The following CFAP74 variants were observed in gnomAD, a reference collection of about 807,000 sequenced individuals.
CFAP74 encodes the protein cilia and flagella associated protein 74, also known as cilia- and flagella-associated protein 74.
Under a neutral mutation model 188.9 loss-of-function variants are expected in CFAP74, and 124 were observed. The ratio of observed to expected loss-of-function variants is 0.66; its 90% CI spans 0.57 to 0.76. The LOEUF (loss-of-function observed/expected upper bound fraction) is 0.76. Among genes scored for constraint, CFAP74 ranks in the 30% least tolerant of loss-of-function variants. The probability of loss-of-function intolerance (pLI) is 0.00; values close to 1 mark genes in which losing one functional copy is unlikely to be tolerated. For synonymous variants in CFAP74, 956 were observed against 916.7 expected, an observed-to-expected ratio of 1.04 and a Z score of -0.77; for missense variants, 2,198 against 2,165.2, an observed-to-expected ratio of 1.02 and a Z score of -0.30.
In CFAP74 at chr1:1,959,225, A is replaced by G; in HGVS notation, c.1762-16T>C. 6.6e-7 allele frequency: 1 copy of G among 1,518,832 alleles called. No homozygotes were observed. 94.1% of individuals were successfully genotyped at this position (1,518,832 alleles called of 1,614,324 possible). The stretch of plus-strand genomic sequence containing the variant: ...CCTTGTTTATCTAAAACATAAAACA[A>G]CCCCCACCACAATACACTTCTGCAA... On this transcript the variant is annotated splice_polypyrimidine_tract_variant and intron_variant, in intron 15 of 38. Coordinates refer to ENST00000682832, the MANE Select transcript of CFAP74 (RefSeq NM_001304360.2).
chr1:1,937,072 A>G (rs1266646789), intron 25 of CFAP74, among the ~76,000 whole-genome samples: 1 of 152,236 alleles, frequency 6.6e-6, no homozygotes, highest in African/African-American at 2.4e-5. Flanking sequence ...CGTGTTAGGA[A>G]GGAATCAAAG....
chr1:1,954,983 T>C, intron 18 of CFAP74: 1 of 1,163,472 alleles, frequency 8.6e-7, no homozygotes, highest in Non-Finnish European at 1.1e-6. Context: ...CCCGAGGCTC[T>C]CTCAGGAAAG....
At chr1:2,000,504 A>G (rs1203894688) in intron 1 of CFAP74, among the ~76,000 whole-genome samples, 1 of 152,114 alleles carries the variant, frequency 6.6e-6, no homozygotes, top group Non-Finnish European at 1.5e-5. Context: ...ATAACAAAGT[A>G]CCACAACCTA....
intron 6 of CFAP74, among the ~76,000 whole-genome samples, chr1:1,982,496 G>A (rs901208113): frequency 3.5e-4 from 53 of 152,382 alleles, no homozygotes; most frequent in African/African-American, 1.3e-3. Context: ...GGAGCACCCT[G>A]CAAACATCTG....
intron 8 of CFAP74, 80 bp from the exon 9 acceptor site, chr1:1,972,162 C>G: frequency 9.6e-7 from 1 of 1,045,612 alleles, no homozygotes; most frequent in Non-Finnish European, 1.5e-6. Context: ...CTCTCTGCAG[C>G]CTCGACCTCC....
intron 11 of CFAP74, among the ~76,000 whole-genome samples, chr1:1,966,836 C>CTT (rs1655507519): frequency 6.8e-6 from 1 of 147,996 alleles, no homozygotes; most frequent in African/African-American, 2.6e-5. Context: ...CATCTGTTCT[C>CTT]ATTTTTTTTT....
At chr1:1,991,793 A>G (rs1337444400) in intron 1 of CFAP74, among the ~76,000 whole-genome samples, 1 of 152,068 alleles carries the variant, frequency 6.6e-6, no homozygotes, top group Non-Finnish European at 1.5e-5. Context: ...TAATCCCAGC[A>G]CTTTGGGAGG....
intron 25 of CFAP74, among the ~76,000 whole-genome samples, chr1:1,938,289 ACT>A (rs1653076387): frequency 2.6e-5 from 4 of 151,830 alleles, no homozygotes; most frequent in East Asian, 3.9e-4. Flanking sequence ...ATGCACTCAC[ACT>A]CAACCTTACA....
chr1:1,994,174 TAAA>T (rs5772056), intron 1 of CFAP74, among the ~76,000 whole-genome samples: 6,498 of 114,718 alleles, frequency 0.057, 506 homozygotes, highest in African/African-American at 0.18. Flanking sequence ...CTAAAAGGGT[TAAA>T]AAAAAAAAAA....
intron 16 of CFAP74, among the ~76,000 whole-genome samples, chr1:1,958,724 T>C (rs893102758): frequency 1.3e-5 from 2 of 149,964 alleles, no homozygotes; most frequent in Admixed American, 6.6e-5. Flanking sequence ...GGGGTCCGGG[T>C]TGCAGCGCGT....
intron 25 of CFAP74, among the ~76,000 whole-genome samples, chr1:1,938,243 AC>A (rs575375061): frequency 1.3e-3 from 197 of 151,676 alleles, no homozygotes; most frequent in African/African-American, 4.5e-3. Context: ...GCTCACACAT[AC>A]AAGCACTCAC....
rs1319297973 is a variant in CFAP74, at chr1:1,968,825, T to C, written c.1055A>G (p.Glu352Gly). ...CTGCTTTCTGAGCTTCTGCTCCTCC[T>C]CAAAGGCCCTGCGTGGAGTCGCTTC... ...QELEAQKRAF[E>G]EEQKLRKQEI... Residue 352 changes from glutamate (E) to glycine (G), a missense_variant, in exon 11 of 39, where the codon GAG becomes GGG. Glu to Gly is a moderately conservative substitution (Grantham distance 98). Transcript: ENST00000682832. The surrounding 1 kb of genome is among the most constrained non-coding windows in gnomAD (Gnocchi z 4.3). 6 of 1,613,956 alleles carry C rather than the reference T, an allele frequency of 3.7e-6. 1 individual carries two copies. The South Asian group carries it at 5.5e-5, about 15-fold the overall frequency.
Position 1,968,872 on chromosome 1 carries a change from C to T in CFAP74, c.1047-39G>A. On this transcript the variant is annotated intron_variant, in intron 10 of 38. Transcript: ENST00000682832. The surrounding 1 kb of genome is among the most constrained non-coding windows in gnomAD (Gnocchi z 4.3). The stretch of plus-strand genomic sequence containing the variant: ...CTTCTCAGATGAGTGCAAGAGGTCC[C>T]CTGCCTCCACCTTGCCCCAGATGAG... 6 of 1,594,848 alleles carry T rather than the reference C, an allele frequency of 3.8e-6. No individual in the cohort carries two copies. Among genetic ancestry groups the T allele is most frequent in the Non-Finnish European group, 5.1e-6 (6 of 1,166,374 alleles).
Position 1,947,028 on chromosome 1 carries a change from G to C in CFAP74, c.2203C>G (p.Pro735Ala), listed in dbSNP as rs1653820780. Residue 735 changes from proline (P) to alanine (A), a missense_variant, in exon 19 of 39, where the codon CCT becomes GCT. Pro to Ala is a conservative substitution (Grantham distance 27). Transcript: ENST00000682832. ...AEPERLTTVIPPSEEQTEITL... is the reference protein window; with the variant it reads ...AEPERLTTVIAPSEEQTEITL... ...ATCTCCGTCTGCTCTTCGCTGGGAG[G>C]TATCACTGTGGTTAATCTCTCTGGT... The C allele has an allele frequency of 6.5e-7, 1 of 1,536,056 alleles. No individual in the cohort carries two copies. Among genetic ancestry groups the C allele is most frequent in the Admixed American group, 2.0e-5 (1 of 51,000 alleles).
At position 1,960,041 on chromosome 1, in the gene CFAP74, T is replaced by C. The variant is rs760201332; in HGVS notation, c.1695-11A>G. The C allele has an allele frequency of 6.3e-7, 1 of 1,593,808 alleles. No homozygotes were observed. The highest frequency in any genetic ancestry group is 1.1e-5 in the South Asian group (1 of 89,162). Reference sequence around the variant, plus strand: ...CCAGGGGGGTCAAAGCTGCAGGACGTGACCCATAGCACACGGGGGTTAGTG... The same window carrying C: ...CCAGGGGGGTCAAAGCTGCAGGACGCGACCCATAGCACACGGGGGTTAGTG... On this transcript the variant is annotated splice_polypyrimidine_tract_variant and intron_variant, in intron 14 of 38. Coordinates refer to ENST00000682832, the MANE Select transcript of CFAP74 (RefSeq NM_001304360.2).
At chr1:1,993,789 T>C (rs1033076956) in intron 1 of CFAP74, among the ~76,000 whole-genome samples, 2 of 13,206 alleles carry the variant, frequency 1.5e-4, no homozygotes, top group South Asian at 2.2e-3. Context: ...GAGACCATCC[T>C]GGCTAACACA....
At chr1:1,932,087 C>CAAAAA (rs370006166) in intron 25 of CFAP74, among the ~76,000 whole-genome samples, 11,104 of 53,254 alleles carry the variant, frequency 0.21, 1,045 homozygotes, top group South Asian at 0.4. Flanking sequence ...AAACAAAAAA[C>CAAAAA]AAAAAACAAA....
At chr1:1,991,777 C>A (rs1051371864) in intron 1 of CFAP74, among the ~76,000 whole-genome samples, 2 of 152,138 alleles carry the variant, frequency 1.3e-5, no homozygotes, top group African/African-American at 4.8e-5. Flanking sequence ...TGGTGGCTCA[C>A]ACCTGTAATC....
At chr1:2,000,807 A>G (rs1046997521) in intron 1 of CFAP74, among the ~76,000 whole-genome samples, 1 of 151,926 alleles carries the variant, frequency 6.6e-6, no homozygotes, top group African/African-American at 2.4e-5. Flanking sequence ...TACAGGCATC[A>G]CTGTAAGTCC....
Sources: gnomAD v4.1 joint callset for allele counts (sites outside exome capture counted in the v4.1 genomes callset) on GRCh38, gnomAD v4.1.1 for gene constraint, Gnocchi (gnomAD v3.1) non-coding constraint, MANE v1.5 for transcripts, NCBI Gene and HGNC (gene_info 2026-07-23, HGNC 2026-07-21) for gene names.